Variants in RBFOX1 observed in about 807,000 individuals in gnomAD.
RBFOX1 encodes the protein RNA binding protein fox-1 homolog 1.
Under a neutral mutation model 57.7 loss-of-function variants are expected in RBFOX1, and 8 were observed. The ratio of observed to expected loss-of-function variants is 0.14; its 90% CI spans 0.08 to 0.25. RBFOX1 has a LOEUF of 0.25. Ranked by LOEUF, RBFOX1 falls within the 10% of genes least tolerant of loss-of-function variation. RBFOX1 has a pLI of 1.00. For missense variants in RBFOX1, 611 were observed against 548.5 expected, an observed-to-expected ratio of 1.11 and a Z score of -1.14; for synonymous variants, 326 against 222.4, an observed-to-expected ratio of 1.47 and a Z score of -4.15.
Position 6,914,730 on chromosome 16 carries a change from C to T in RBFOX1, c.-15-137327C>T, listed in dbSNP as rs562445900. ...CTGTACCAATAAGCTGAAAATTAAC[C>T]TGGCATGGTGGTGTGCACCTGTAGT... On this transcript the variant is annotated intron_variant, in intron 3 of 15. Coordinates refer to ENST00000550418, the MANE Select transcript of RBFOX1 (RefSeq NM_018723.4). 2.6e-5 allele frequency among the ~76,000 whole-genome samples: 4 copies of T among 152,100 alleles called. No individual in the cohort carries two copies. In the South Asian group the frequency reaches 8.3e-4, roughly 32 times the overall value.
In RBFOX1 at chr16:5,472,388, C is replaced by T. The variant is rs974200402; in HGVS notation, c.258+5134C>T. On this transcript the variant is annotated intron_variant, in intron 2 of 2. Coordinates refer to the RBFOX1 transcript ENST00000585867. ...CATTGCAAGAAAGATTATTATTAAACCCATTTGCAGCAGGGGGGATCCTCA... is the reference window on the plus strand; with the variant it reads ...CATTGCAAGAAAGATTATTATTAAATCCATTTGCAGCAGGGGGGATCCTCA... 6.6e-5 allele frequency among the ~76,000 whole-genome samples: 10 copies of T among 152,256 alleles called. No individual in the cohort carries two copies. The East Asian group carries it at 1.7e-3, about 26-fold the overall frequency.
chr16:6,103,830 C>T (rs937919379), intron 1 of RBFOX1, among the ~76,000 whole-genome samples: 1 of 152,086 alleles, frequency 6.6e-6, no homozygotes, highest in Non-Finnish European at 1.5e-5. Context: ...AAAGATGAAA[C>T]AGGATTGGTG....
chr16:7,061,431 A>G (rs777709265), intron 4 of RBFOX1, among the ~76,000 whole-genome samples: 30 of 152,162 alleles, frequency 2.0e-4, no homozygotes, highest in Non-Finnish European at 3.4e-4. Flanking sequence ...CTCCAACTTC[A>G]TTGTGAAATA....
intron 3 of RBFOX1, among the ~76,000 whole-genome samples, chr16:5,865,148 T>G (rs2057316941): frequency 6.6e-6 from 1 of 152,186 alleles, no homozygotes. Flanking sequence ...TGGAGCTTAG[T>G]GAAGCAGAGA....
rs115508827 is a variant in RBFOX1 at position 7,193,584 on chromosome 16, T to C, written c.27+141486T>C. Among the ~76,000 whole-genome samples, 524 of 152,340 alleles carry C rather than the reference T, an allele frequency of 3.4e-3. 5 individuals are homozygous for C. The highest frequency in any genetic ancestry group is 0.012 in the African/African-American group (494 of 41,580). ...GCTCTTATGAGCATTTTACATGCAT[T>C]ACCGTCCTTGATCCAATGAGGCAGG... On this transcript the variant is annotated intron_variant, in intron 4 of 15. Coordinates refer to ENST00000550418, the MANE Select transcript of RBFOX1 (RefSeq NM_018723.4).
chr16:6,850,017 C>G (rs191694965), intron 3 of RBFOX1, among the ~76,000 whole-genome samples: 1 of 152,164 alleles, frequency 6.6e-6, no homozygotes. Context: ...CAAGTGACAT[C>G]TTTTTTCTCA....
At chr16:5,456,791 G>C (rs1205874048) in intron 1 of RBFOX1, among the ~76,000 whole-genome samples, 2 of 152,142 alleles carry the variant, frequency 1.3e-5, no homozygotes, top group African/African-American at 2.4e-5. Flanking sequence ...TCCAATGCTT[G>C]AATCTCATCC....
At chr16:6,484,205 C>T (rs1304116985) in intron 2 of RBFOX1, among the ~76,000 whole-genome samples, 1 of 152,106 alleles carries the variant, frequency 6.6e-6, no homozygotes, top group Non-Finnish European at 1.5e-5. Flanking sequence ...AAGAGATGCG[C>T]GGCTCTGGAA....
chr16:5,544,422 A>G (rs2045098902), intron 2 of RBFOX1, among the ~76,000 whole-genome samples: 1 of 152,196 alleles, frequency 6.6e-6, no homozygotes, highest in African/African-American at 2.4e-5. Flanking sequence ...ATACTGTTAG[A>G]AAGGGAAATG....
chr16:5,800,313 G>A (rs1472465771), intron 3 of RBFOX1, among the ~76,000 whole-genome samples: 1 of 152,160 alleles, frequency 6.6e-6, no homozygotes, highest in Non-Finnish European at 1.5e-5. Flanking sequence ...CGTTACTCAT[G>A]CATAACCATG....
chr16:5,793,727 C>T (rs1192787138), intron 3 of RBFOX1, among the ~76,000 whole-genome samples: 1 of 152,180 alleles, frequency 6.6e-6, no homozygotes, highest in Non-Finnish European at 1.5e-5. Context: ...GAGCCTGGAT[C>T]TATGTACATG....
In RBFOX1 at chr16:5,431,688, A is replaced by G. The variant is rs572327157; in HGVS notation, c.220-35528A>G. 1.2e-4 allele frequency among the ~76,000 whole-genome samples: 18 copies of G among 152,012 alleles called. No individual in the cohort carries two copies. The South Asian group carries it at 3.5e-3, about 30-fold the overall frequency. On this transcript the variant is annotated intron_variant, in intron 1 of 2. Transcript: ENST00000585867. ...GTGCCCAGCCGCTGGTTTATTTTTT[A>G]TTATTATTTGCCACTGCGATTGTCT...
At chr16:7,675,526 A>G (rs1218809583) in intron 13 of RBFOX1, among the ~76,000 whole-genome samples, 2 of 152,214 alleles carry the variant, frequency 1.3e-5, no homozygotes, top group Non-Finnish European at 2.9e-5. Context: ...GTTTCTTTGA[A>G]TTGCTGTGCA....
intron 2 of RBFOX1, among the ~76,000 whole-genome samples, chr16:6,377,469 T>G (rs1457134939): frequency 6.6e-6 from 1 of 152,068 alleles, no homozygotes; most frequent in Non-Finnish European, 1.5e-5. Flanking sequence ...CAGTACACAT[T>G]TATTGAATGC....
chr16:6,881,891 G>C (rs560684050), intron 3 of RBFOX1, among the ~76,000 whole-genome samples: 2 of 152,176 alleles, frequency 1.3e-5, no homozygotes, highest in Admixed American at 1.3e-4. Context: ...TTCACAGCTG[G>C]AGTTGCTGTA....
chr16:7,622,390 C>G (rs1596672326), intron 10 of RBFOX1, among the ~76,000 whole-genome samples: 1 of 152,174 alleles, frequency 6.6e-6, no homozygotes, highest in African/African-American at 2.4e-5. Flanking sequence ...ACTTTGGGAA[C>G]TCTTATTGTT....
chr16:5,395,339 C>T (rs577626834), intron 1 of RBFOX1, among the ~76,000 whole-genome samples: 71 of 152,296 alleles, frequency 4.7e-4, no homozygotes, highest in African/African-American at 1.4e-3. Flanking sequence ...CAACTTGGAT[C>T]GGAAGATTTG....
chr16:7,602,858 T>C (rs77537509), intron 9 of RBFOX1, among the ~76,000 whole-genome samples: 4,299 of 152,242 alleles, frequency 0.028, 197 homozygotes, highest in African/African-American at 0.099. Flanking sequence ...CTCAACAAAT[T>C]TTTAAAAAAT....
chr16:5,361,712 G>T (rs977256178), intron 1 of RBFOX1, among the ~76,000 whole-genome samples: 1 of 152,170 alleles, frequency 6.6e-6, no homozygotes, highest in Non-Finnish European at 1.5e-5. Flanking sequence ...AACAATTCCA[G>T]GTACCTGCAA....
Sources: allele counts gnomAD v4.1 joint callset (sites outside exome capture counted in the v4.1 genomes callset), GRCh38; gene constraint gnomAD v4.1.1; transcripts MANE v1.5; gene names NCBI Gene and HGNC (gene_info 2026-07-23, HGNC 2026-07-21).